ZPBP: variants seen among roughly 807,000 people sequenced by gnomAD.
ZPBP encodes zona pellucida-binding protein 1.
Under a neutral mutation model 44.8 loss-of-function variants are expected in ZPBP, and 26 were observed. That is an observed-to-expected ratio of 0.58 (90% confidence interval 0.43 to 0.81). ZPBP has a LOEUF of 0.81. Among genes scored for constraint, ZPBP ranks in the 30% least tolerant of loss-of-function variants. ZPBP has a pLI of 0.00. For missense variants in ZPBP, 409 were observed against 434.0 expected (o/e 0.94, Z 0.51); for synonymous variants, 174 against 153.2 (o/e 1.14, Z -1.00).
chr7:50,082,166 A>C (rs1040747247), intron 2 of ZPBP, among the ~76,000 whole-genome samples: 1 of 151,878 alleles, frequency 6.6e-6, no homozygotes, highest in East Asian at 1.9e-4. Flanking sequence ...CTTTTCATTC[A>C]GAGCTCATAT....
At chr7:49,865,243 T>G (rs1790828928) in intron 2 of ZPBP, among the ~76,000 whole-genome samples, 1 of 152,158 alleles carries the variant, frequency 6.6e-6, no homozygotes, top group Non-Finnish European at 1.5e-5. Flanking sequence ...AAAAGCTTCT[T>G]GAGGAACAGT....
intron 2 of ZPBP, among the ~76,000 whole-genome samples, chr7:49,895,355 G>A (rs1363704002): frequency 6.6e-6 from 1 of 152,160 alleles, no homozygotes; most frequent in Non-Finnish European, 1.5e-5. Context: ...AAGTTTCAAT[G>A]TACGAATTCC....
At chr7:49,957,929 C>T (rs971455851) in intron 7 of ZPBP, among the ~76,000 whole-genome samples, 1 of 152,192 alleles carries the variant, frequency 6.6e-6, no homozygotes, top group African/African-American at 2.4e-5. Context: ...TGTGGCTTCT[C>T]GAGCCCTTGA....
chr7:50,054,046 G>A (rs1159478892), intron 4 of ZPBP, among the ~76,000 whole-genome samples: 2 of 151,834 alleles, frequency 1.3e-5, no homozygotes, highest in Non-Finnish European at 2.9e-5. Context: ...GCACCACCAC[G>A]CCTGGCTAAT....
intron 2 of ZPBP, among the ~76,000 whole-genome samples, chr7:49,875,378 A>AAAAAAAAAC (rs1562746060): frequency 2.0e-5 from 3 of 148,306 alleles, no homozygotes; most frequent in Non-Finnish European, 4.5e-5. Context: ...TCAAAAAAAA[A>AAAAAAAAAC]AAAAAAAAAA....
At chr7:49,846,409 C>T (rs1789947535), downstream of ZPBP, among the ~76,000 whole-genome samples, 1 of 152,212 alleles carries the variant, frequency 6.6e-6, no homozygotes, top group African/African-American at 2.4e-5. Context: ...GGCTCCAGCC[C>T]TGTGGGACAT....
rs114883812 is a variant in ZPBP, at chr7:50,030,267, G to A, written c.706+825C>T. On this transcript the variant is annotated intron_variant, in intron 5 of 7. Coordinates refer to ENST00000046087, the MANE Select transcript of ZPBP (RefSeq NM_007009.3). Reference sequence around the variant, plus strand: ...CAGGGAAGGGAAGGGGAATAGCAAGGGGAGGGGAGGGCAGAGGAGAAGGAA... The same window carrying A: ...CAGGGAAGGGAAGGGGAATAGCAAGAGGAGGGGAGGGCAGAGGAGAAGGAA... Among the ~76,000 whole-genome samples, 1,182 of 152,208 alleles carry A rather than the reference G, an allele frequency of 7.8e-3. 25 individuals are homozygous for A. Among genetic ancestry groups the A allele is most frequent in the African/African-American group, 0.027 (1,121 of 41,538 alleles).
In ZPBP at chr7:49,996,984, A is replaced by T. The variant is rs115273730; in HGVS notation, c.784-13465T>A. ...TCCGTTGCATTTAGGCTTCCAGTTG[A>T]TTGACTGTGTTTCCCACTGTAAAGT... On this transcript the variant is annotated intron_variant, in intron 6 of 7. Coordinates refer to ENST00000046087, the MANE Select transcript of ZPBP (RefSeq NM_007009.3). Among the ~76,000 whole-genome samples, 734 of 152,278 alleles carry T rather than the reference A, an allele frequency of 4.8e-3. 4 individuals are homozygous for T. The highest frequency in any genetic ancestry group is 0.017 in the African/African-American group (702 of 41,542).
At chr7:49,996,180 G>A (rs761550492) in intron 6 of ZPBP, among the ~76,000 whole-genome samples, 10 of 152,120 alleles carry the variant, frequency 6.6e-5, no homozygotes, top group Non-Finnish European at 1.2e-4. Context: ...GATAATAGCA[G>A]CTCTAATGGC....
chr7:50,069,957 T>A (rs1801751525), intron 3 of ZPBP, among the ~76,000 whole-genome samples: 1 of 152,096 alleles, frequency 6.6e-6, no homozygotes, highest in Non-Finnish European at 1.5e-5. Flanking sequence ...CTCCCTGCAT[T>A]GGCCTCTCCC....
At chr7:49,954,792 C>T (rs114334261) in intron 7 of ZPBP, among the ~76,000 whole-genome samples, 285 of 152,038 alleles carry the variant, frequency 1.9e-3, no homozygotes, top group African/African-American at 6.5e-3. Flanking sequence ...TCAAACATTC[C>T]GTTCTCAAAA....
intron 3 of ZPBP, among the ~76,000 whole-genome samples, chr7:50,068,742 C>T (rs1291082883): frequency 6.6e-6 from 1 of 152,202 alleles, no homozygotes; most frequent in Non-Finnish European, 1.5e-5. Flanking sequence ...CTTCTAACTT[C>T]TGCAATTTAT....
intron 2 of ZPBP, among the ~76,000 whole-genome samples, chr7:50,083,529 G>A (rs1425668719): frequency 6.6e-6 from 1 of 151,954 alleles, no homozygotes; most frequent in Non-Finnish European, 1.5e-5. Flanking sequence ...GAAGATTAAA[G>A]CTTCATAAAT....
intron 7 of ZPBP, among the ~76,000 whole-genome samples, chr7:49,939,707 C>T (rs779286703): frequency 1.1e-4 from 17 of 151,852 alleles, no homozygotes; most frequent in East Asian, 1.9e-4. Context: ...ATAAAAGTAA[C>T]GATTGTGTAA....
intron 7 of ZPBP, among the ~76,000 whole-genome samples, chr7:49,955,055 TAAAC>T (rs1329816042): frequency 1.3e-5 from 2 of 152,100 alleles, no homozygotes; most frequent in African/African-American, 4.8e-5. Context: ...ATATGAAAGT[TAAAC>T]AACATACTAA....
At position 50,018,036 on chromosome 7, in the gene ZPBP, C is replaced by T. The variant is rs113497157; in HGVS notation, c.783+204G>A. ...CCATTCTTCTTCATATAACCAATTA[C>T]AAAAGGCTAAATTTGAAAGTATTTT... On this transcript the variant is annotated intron_variant, in intron 6 of 7. Coordinates refer to ENST00000046087, the MANE Select transcript of ZPBP (RefSeq NM_007009.3). Among the ~76,000 whole-genome samples the T allele has an allele frequency of 1.7e-3, 254 of 152,096 alleles. 3 individuals carry two copies. The highest frequency in any genetic ancestry group is 5.7e-3 in the African/African-American group (236 of 41,538).
At chr7:50,089,498 C>T (rs1395295428) in intron 2 of ZPBP, 131 bp downstream of exon 2, 3 of 686,994 alleles carry the variant, frequency 4.4e-6, no homozygotes, top group Non-Finnish European at 7.6e-6. Flanking sequence ...AACTTTAATC[C>T]ACTTCTGTAG....
At chr7:49,873,919 C>T (rs75996730) in intron 2 of ZPBP, among the ~76,000 whole-genome samples, 2 of 140,998 alleles carry the variant, frequency 1.4e-5, no homozygotes, top group Non-Finnish European at 3.1e-5. Context: ...AAAAAAAAAA[C>T]AACAAAAAAA....
chr7:49,928,419 C>T (rs938909156), intron 1 of ZPBP, among the ~76,000 whole-genome samples: 7 of 152,170 alleles, frequency 4.6e-5, no homozygotes, highest in African/African-American at 1.7e-4. Context: ...TTCTAGTCAT[C>T]TCTCATTCTT....
Sources: allele counts gnomAD v4.1 joint callset (sites outside exome capture counted in the v4.1 genomes callset), GRCh38; gene constraint gnomAD v4.1.1; transcripts MANE v1.5; gene names NCBI Gene and HGNC (gene_info 2026-07-23, HGNC 2026-07-21).